The following KPNA7 variants were observed in gnomAD, a reference collection of about 807,000 sequenced individuals.
The protein encoded by KPNA7 is karyopherin subunit alpha 7, also known as importin subunit alpha-8.
KPNA7 carries 54 observed loss-of-function variants against 53.7 expected under a neutral mutation model. That is an observed-to-expected ratio of 1.01 (90% CI 0.81 to 1.26). The LOEUF is 1.26. Among genes scored for constraint, KPNA7 ranks in the 50% most tolerant of loss-of-function variants. The probability of loss-of-function intolerance (pLI) is 0.00; values close to 1 mark genes in which losing one functional copy is unlikely to be tolerated. For synonymous variants in KPNA7, 276 were observed against 259.3 expected (o/e 1.06, Z -0.62); for missense variants, 640 against 644.5 (o/e 0.99, Z 0.07).
chr7:99,149,674 T>C, the KPNA7 span, among the ~76,000 whole-genome samples: 1 of 152,224 alleles, frequency 6.6e-6, no homozygotes, highest in Non-Finnish European at 1.5e-5. Flanking sequence ...CACATTTCTG[T>C]TCCTGAGCTG....
At chr7:99,201,718 T>A (rs1408406906) in intron 3 of KPNA7, among the ~76,000 whole-genome samples, 2 of 151,614 alleles carry the variant, frequency 1.3e-5, no homozygotes, top group Non-Finnish European at 2.9e-5. Flanking sequence ...GGGTTGTTTG[T>A]TGGAGTGAGA....
chr7:99,149,392 A>G, the KPNA7 span, among the ~76,000 whole-genome samples: 1 of 152,228 alleles, frequency 6.6e-6, no homozygotes, highest in African/African-American at 2.4e-5. Context: ...GTGCTGAAGC[A>G]AGATACTAAA....
At chr7:99,198,257 T>C (rs1385234663) in intron 3 of KPNA7, among the ~76,000 whole-genome samples, 1 of 151,842 alleles carries the variant, frequency 6.6e-6, no homozygotes, top group East Asian at 1.9e-4. Context: ...TTACCAACTT[T>C]ACAAAAAAAA....
At position 99,195,525 on chromosome 7, in the gene KPNA7, C is replaced by T. The variant is rs118155045; in HGVS notation, c.285-187G>A. Among the ~76,000 whole-genome samples, 977 of 152,056 alleles carry T rather than the reference C, an allele frequency of 6.4e-3. 6 individuals are homozygous for T. The highest frequency in any genetic ancestry group is 0.019 in the African/African-American group (770 of 41,472). On this transcript the variant is annotated intron_variant, in intron 4 of 10. Coordinates refer to ENST00000327442, the MANE Select transcript of KPNA7 (RefSeq NM_001145715.3). Reference sequence around the variant, plus strand: ...CAGCCTGGCCAACATGGTGAAACCCCGTCCCATCTCTACTAAGAATATAAA... The same window carrying T: ...CAGCCTGGCCAACATGGTGAAACCCTGTCCCATCTCTACTAAGAATATAAA...
At position 99,203,325 on chromosome 7, in the gene KPNA7, A is replaced by G. The variant is rs183002285; in HGVS notation, c.67-85T>C. 1.4e-3 allele frequency: 2,031 copies of G among 1,406,768 alleles called. 3 individuals carry two copies. The highest frequency in any genetic ancestry group is 1.7e-3 in the Non-Finnish European group (1,763 of 1,029,000). 87.1% of individuals were successfully genotyped at this position (1,406,768 alleles called of 1,614,324 possible). On this transcript the variant is annotated intron_variant, in intron 2 of 10. Transcript: ENST00000327442. Reference sequence around the variant, plus strand: ...TGTCAAACATGTTTCAAAGCATCCAATTTCATTTTTACAGATACAATAGGC... The same window carrying G: ...TGTCAAACATGTTTCAAAGCATCCAGTTTCATTTTTACAGATACAATAGGC...
the KPNA7 span, among the ~76,000 whole-genome samples, chr7:99,157,725 C>T: frequency 6.6e-6 from 1 of 152,280 alleles, no homozygotes; most frequent in East Asian, 1.9e-4. Flanking sequence ...GGTAAGAACG[C>T]AAGCCATTGT....
the KPNA7 span, among the ~76,000 whole-genome samples, chr7:99,160,027 T>TGG: frequency 2.0e-5 from 1 of 50,800 alleles, no homozygotes; most frequent in Non-Finnish European, 6.2e-5. Context: ...GTTTTTTTTT[T>TGG]TTTTTTTTTT....
the KPNA7 span, among the ~76,000 whole-genome samples, chr7:99,156,532 T>A: frequency 2.0e-5 from 3 of 152,142 alleles, no homozygotes; most frequent in Non-Finnish European, 4.4e-5. Context: ...CTGATACTTT[T>A]TTTTTGTTTG....
intron 8 of KPNA7, among the ~76,000 whole-genome samples, chr7:99,183,566 A>G (rs763130958): frequency 1.7e-4 from 26 of 152,280 alleles, no homozygotes; most frequent in African/African-American, 5.8e-4. Context: ...GGAAGATGCT[A>G]TAATTTGGGC....
At chr7:99,184,716 GAAT>G (rs929197257) in intron 8 of KPNA7, among the ~76,000 whole-genome samples, 7 of 152,128 alleles carry the variant, frequency 4.6e-5, no homozygotes, top group African/African-American at 1.7e-4. Flanking sequence ...CCTTGTCATT[GAAT>G]AATGCTTGTT....
chr7:99,181,073 A>G (rs112649259), intron 9 of KPNA7, among the ~76,000 whole-genome samples: 301 of 2,124 alleles, frequency 0.14, 114 homozygotes, highest in Middle Eastern at 0.25. Flanking sequence ...CTCTCTCTCC[A>G]TCTGTGTCTC....
intron 3 of KPNA7, among the ~76,000 whole-genome samples, chr7:99,198,059 A>G (rs1790319535): frequency 6.6e-6 from 1 of 152,198 alleles, no homozygotes. Flanking sequence ...ACAGAATCAA[A>G]AACATTGAAA....
At chr7:99,160,841 A>C in the KPNA7 span, among the ~76,000 whole-genome samples, 1 of 151,574 alleles carries the variant, frequency 6.6e-6, no homozygotes, top group African/African-American at 2.4e-5. Flanking sequence ...ACATCCTACA[A>C]GGTTATCGTA....
chr7:99,177,906 C>A lies in KPNA7; in HGVS notation c.1464+14G>T, dbSNP rs1338184407. 6.4e-7 allele frequency: 1 copy of A among 1,551,740 alleles called. No individual in the cohort carries two copies. The highest frequency in any genetic ancestry group is 1.2e-5 in the South Asian group (1 of 83,942). On this transcript the variant is annotated intron_variant, in intron 10 of 10. Coordinates refer to ENST00000327442, the MANE Select transcript of KPNA7 (RefSeq NM_001145715.3). ...AGACCCCTGGATACTCCTCCACGCT[C>A]CTAAGTCACTTACCTCACCAAAGTG...
the KPNA7 span, among the ~76,000 whole-genome samples, chr7:99,150,421 C>T: frequency 2.0e-4 from 3 of 14,898 alleles, no homozygotes; most frequent in South Asian, 3.4e-3. Context: ...AATCATTCTT[C>T]TCTTTTTTTT....
chr7:99,195,164 T>C lies in KPNA7; in HGVS notation c.459A>G (p.Val153=), dbSNP rs1190423634. ...SGTSEQTRAV[V]EGGAIQPLIE... is the part of the protein sequence containing the mutation. ...TCAAGGGCTGGATGGCTCCCCCTTC[T>C]ACCACGGCACGAGTCTGCTCCGAAG... The change falls in exon 5 of 11, where the codon GTA becomes GTG. Residue 153 remains valine (V), a synonymous_variant. Transcript: ENST00000327442. 2 of 1,551,506 alleles carry C rather than the reference T, an allele frequency of 1.3e-6. No homozygotes were observed. Among genetic ancestry groups the C allele is most frequent in the African/African-American group, 1.4e-5 (1 of 72,994 alleles).
chr7:99,197,020 A>AAC (rs1790261726), intron 3 of KPNA7, among the ~76,000 whole-genome samples: 1 of 150,914 alleles, frequency 6.6e-6, no homozygotes, highest in African/African-American at 2.4e-5. Context: ...ATATGCTTAA[A>AAC]AACAACAACA....
At chr7:99,195,597 G>A (rs1385090992) in intron 4 of KPNA7, among the ~76,000 whole-genome samples, 1 of 152,104 alleles carries the variant, frequency 6.6e-6, no homozygotes, top group Non-Finnish European at 1.5e-5. Context: ...AGCTTCTCTG[G>A]AGGCTTGAGG....
At chr7:99,170,124 A>G (rs927809695), downstream of KPNA7, among the ~76,000 whole-genome samples, 3 of 152,190 alleles carry the variant, frequency 2.0e-5, no homozygotes, top group Non-Finnish European at 4.4e-5. Context: ...ATATCCACCA[A>G]TGACAGGCCC....
Sources: allele counts gnomAD v4.1 joint callset (sites outside exome capture counted in the v4.1 genomes callset), GRCh38; gene constraint gnomAD v4.1.1; transcripts MANE v1.5; gene names NCBI Gene and HGNC (gene_info 2026-07-23, HGNC 2026-07-21).